Variants in KLF12 observed in about 807,000 individuals in gnomAD.
KLF12 encodes the protein KLF transcription factor 12.
KLF12 carries 9 observed loss-of-function variants against 37.8 expected under a neutral mutation model. The observed-to-expected ratio is 0.24, with a 90% CI of 0.14 to 0.42. KLF12 has a LOEUF of 0.42. KLF12 is among the 10% of genes least tolerant of loss of function. The pLI is 1.00. For missense variants in KLF12, 411 were observed against 516.0 expected, an observed-to-expected ratio of 0.80 and a Z score of 1.97; for synonymous variants, 208 against 202.1, an observed-to-expected ratio of 1.03 and a Z score of -0.25.
chr13:74,143,242 G>T, the KLF12 span, among the ~76,000 whole-genome samples: 1 of 151,524 alleles, frequency 6.6e-6, no homozygotes, highest in Non-Finnish European at 1.5e-5. Flanking sequence ...ACAAATTGTG[G>T]ATAATTTATC....
chr13:74,209,138 C>A, the KLF12 span, among the ~76,000 whole-genome samples: 1 of 151,642 alleles, frequency 6.6e-6, no homozygotes, highest in African/African-American at 2.4e-5. Context: ...ATATTAAAAA[C>A]GTGTTCCATA....
intron 3 of KLF12, among the ~76,000 whole-genome samples, chr13:73,883,052 A>G (rs2138964029): frequency 6.6e-6 from 1 of 152,328 alleles, no homozygotes; most frequent in East Asian, 1.9e-4. Flanking sequence ...CATTGTGAGG[A>G]GGACTGCTAA....
At chr13:73,892,656 T>A (rs1200481092) in intron 3 of KLF12, among the ~76,000 whole-genome samples, 1 of 152,184 alleles carries the variant, frequency 6.6e-6, no homozygotes, top group Non-Finnish European at 1.5e-5. Flanking sequence ...AACAGAGTAC[T>A]ATACAGCTAT....
At chr13:74,289,924 A>T in the KLF12 span, among the ~76,000 whole-genome samples, 1 of 152,214 alleles carries the variant, frequency 6.6e-6, no homozygotes, top group African/African-American at 2.4e-5. Context: ...CTAAGAGTTA[A>T]AAACTTGAGT....
the KLF12 span, among the ~76,000 whole-genome samples, chr13:74,216,263 C>T: frequency 2.6e-5 from 4 of 152,174 alleles, no homozygotes; most frequent in Non-Finnish European, 5.9e-5. Context: ...TACCCACACA[C>T]ACACAAACAG....
chr13:74,015,364 G>A (rs1372112208), intron 1 of KLF12, among the ~76,000 whole-genome samples: 4 of 152,206 alleles, frequency 2.6e-5, no homozygotes, highest in Admixed American at 1.3e-4. Flanking sequence ...TATAAATGAT[G>A]AGTAATAACA....
At chr13:73,709,912 C>T (rs907853220) in intron 7 of KLF12, among the ~76,000 whole-genome samples, 17 of 151,976 alleles carry the variant, frequency 1.1e-4, no homozygotes, top group Non-Finnish European at 1.6e-4. Flanking sequence ...TCATCAATTA[C>T]CTGGCACAGA....
At chr13:74,110,703 G>T (rs116117445) in intron 1 of KLF12, among the ~76,000 whole-genome samples, 2 of 152,026 alleles carry the variant, frequency 1.3e-5, no homozygotes, top group Non-Finnish European at 2.9e-5. Context: ...CAGCTGGTTG[G>T]TCTCGGTTGA....
At chr13:73,773,034 A>G (rs1330853071) in intron 5 of KLF12, among the ~76,000 whole-genome samples, 2 of 152,194 alleles carry the variant, frequency 1.3e-5, no homozygotes, top group Non-Finnish European at 2.9e-5. Flanking sequence ...AGAAGCCAGT[A>G]TAGGGAATAA....
At chr13:74,047,920 T>C (rs1893588721) in intron 1 of KLF12, among the ~76,000 whole-genome samples, 1 of 152,240 alleles carries the variant, frequency 6.6e-6, no homozygotes, top group Non-Finnish European at 1.5e-5. Flanking sequence ...CTGAAGTTTC[T>C]ATTTCTCGCA....
chr13:73,774,916 C>CT (rs59877053), intron 5 of KLF12, among the ~76,000 whole-genome samples: 34,926 of 130,288 alleles, frequency 0.27, 4,910 homozygotes, highest in Admixed American at 0.33. Flanking sequence ...CTCTCGCATT[C>CT]TTTTTTTTTT....
chr13:74,075,439 C>T (rs1352570379), intron 1 of KLF12, among the ~76,000 whole-genome samples: 4 of 152,164 alleles, frequency 2.6e-5, no homozygotes, highest in Non-Finnish European at 5.9e-5. Flanking sequence ...CTTAAATTGG[C>T]TAACTATTGA....
At chr13:74,213,727 A>C in the KLF12 span, among the ~76,000 whole-genome samples, 1 of 151,764 alleles carries the variant, frequency 6.6e-6, no homozygotes, top group Non-Finnish European at 1.5e-5. Context: ...ACATAGTTCG[A>C]ACTCTAAAAA....
At chr13:74,098,603 T>C (rs766558559) in intron 1 of KLF12, among the ~76,000 whole-genome samples, 1 of 152,212 alleles carries the variant, frequency 6.6e-6, no homozygotes, top group East Asian at 1.9e-4. Flanking sequence ...CCTAGAGATA[T>C]GTATATTGAA....
chr13:73,858,916 A>G (rs1316628322), intron 3 of KLF12, among the ~76,000 whole-genome samples: 3 of 152,244 alleles, frequency 2.0e-5, no homozygotes, highest in Non-Finnish European at 2.9e-5. Context: ...TAAGTGTTAT[A>G]AAGACTGTGA....
chr13:73,797,373 T>C (rs904852165), intron 5 of KLF12, among the ~76,000 whole-genome samples: 1 of 152,224 alleles, frequency 6.6e-6, no homozygotes, highest in Non-Finnish European at 1.5e-5. Context: ...TTCTTCATCT[T>C]ATTCTTTAGA....
At position 73,694,111 on chromosome 13, in the gene KLF12, G is replaced by C. The variant is rs377104465; in HGVS notation, c.*1379C>G. The stretch of plus-strand genomic sequence containing the variant: ...TCGGTATAGAAGAACCTATTGGAGA[G>C]TCACTTATCCTTGGCTCTCCAAGAG... On this transcript the variant is annotated 3_prime_UTR_variant, in exon 8 of 8. Transcript: ENST00000377669. 1 of 152,564 alleles carries C rather than the reference G, an allele frequency of 6.6e-6. No individual in the cohort carries two copies. The highest frequency in any genetic ancestry group is 1.5e-5 in the Non-Finnish European group (1 of 68,044). The allele number at this position is 152,564 out of a possible 1,614,324, so 9.5% of individuals were successfully genotyped here.
At chr13:73,749,845 G>A (rs529102731) in intron 6 of KLF12, among the ~76,000 whole-genome samples, 3 of 152,288 alleles carry the variant, frequency 2.0e-5, no homozygotes, top group African/African-American at 4.8e-5. Flanking sequence ...TAAAAGAAAA[G>A]TGAACAGTGA....
At chr13:73,934,664 T>C (rs1181466704) in intron 3 of KLF12, among the ~76,000 whole-genome samples, 3 of 152,178 alleles carry the variant, frequency 2.0e-5, no homozygotes, top group Admixed American at 6.5e-5. Context: ...CCTTTATTAC[T>C]TGTTTCTAGC....
Sources: allele counts gnomAD v4.1 joint callset (sites outside exome capture counted in the v4.1 genomes callset), GRCh38; gene constraint gnomAD v4.1.1; transcripts MANE v1.5; gene names NCBI Gene and HGNC (gene_info 2026-07-23, HGNC 2026-07-21).